PRKD1: variants seen among roughly 807,000 people sequenced by gnomAD.
PRKD1 encodes protein kinase D1.
Under a neutral mutation model 95.9 loss-of-function variants are expected in PRKD1, and 63 were observed. The ratio of observed to expected loss-of-function variants is 0.66; its 90% CI spans 0.54 to 0.81. The LOEUF (loss-of-function observed/expected upper bound fraction) is 0.81. Among genes scored for constraint, PRKD1 ranks in the 30% least tolerant of loss-of-function variants. The pLI, the probability that PRKD1 is intolerant of heterozygous loss-of-function variation, is 0.00. For synonymous variants in PRKD1, 425 were observed against 423.1 expected (o/e 1.00, Z -0.05); for missense variants, 1,048 against 1,165.3 (o/e 0.90, Z 1.47).
At chr14:29,672,767 G>T (rs997405383) in intron 2 of PRKD1, among the ~76,000 whole-genome samples, 1 of 151,940 alleles carries the variant, frequency 6.6e-6, no homozygotes, top group African/African-American at 2.4e-5. Flanking sequence ...ATATAGAACA[G>T]AATTACTAAC....
intron 11 of PRKD1, 80 bp from the exon 12 acceptor site, chr14:29,626,636 A>T: frequency 1.4e-6 from 1 of 721,522 alleles, no homozygotes; most frequent in Non-Finnish European, 2.0e-6. Flanking sequence ...ATTCTATTAA[A>T]TATATTATAA....
chr14:29,715,620 T>A (rs966053577), intron 2 of PRKD1, among the ~76,000 whole-genome samples: 1 of 152,182 alleles, frequency 6.6e-6, no homozygotes, highest in African/African-American at 2.4e-5. Context: ...AAGAAATTTG[T>A]GCTGTCCAAT....
At chr14:29,801,876 C>T (rs945829927) in intron 1 of PRKD1, among the ~76,000 whole-genome samples, 18 of 152,060 alleles carry the variant, frequency 1.2e-4, no homozygotes, top group African/African-American at 1.2e-4. Context: ...TTAGTAGAGA[C>T]GGGGTTTCTC....
intron 4 of PRKD1, among the ~76,000 whole-genome samples, chr14:29,645,644 T>C (rs902641584): frequency 6.6e-6 from 1 of 152,192 alleles, no homozygotes; most frequent in Non-Finnish European, 1.5e-5. Flanking sequence ...TCAATTCAGA[T>C]GCTTCAGGAC....
chr14:29,666,248 A>C, intron 2 of PRKD1, 40 bp from the exon 3 acceptor site: 1 of 1,549,394 alleles, frequency 6.5e-7, no homozygotes, highest in Non-Finnish European at 8.8e-7. Flanking sequence ...TTGAATAGGC[A>C]CTCTGATCTG....
At chr14:29,840,326 C>A (rs147370823) in intron 1 of PRKD1, among the ~76,000 whole-genome samples, 1 of 152,310 alleles carries the variant, frequency 6.6e-6, no homozygotes, top group African/African-American at 2.4e-5. Flanking sequence ...CAGTTCCCAA[C>A]AGCTTCCTCA....
chr14:29,581,620 G>C (rs1791597343), intron 16 of PRKD1, among the ~76,000 whole-genome samples: 1 of 152,092 alleles, frequency 6.6e-6, no homozygotes. Flanking sequence ...ACTTATCATT[G>C]TAAGTGGATA....
At chr14:29,758,648 A>T (rs1317878222) in intron 1 of PRKD1, among the ~76,000 whole-genome samples, 1 of 152,154 alleles carries the variant, frequency 6.6e-6, no homozygotes, top group Non-Finnish European at 1.5e-5. Context: ...CAAGAGAAAA[A>T]CTCCACAAAG....
At chr14:29,856,921 A>G (rs1892527744) in intron 1 of PRKD1, among the ~76,000 whole-genome samples, 1 of 152,192 alleles carries the variant, frequency 6.6e-6, no homozygotes, top group Admixed American at 6.5e-5. Context: ...CTAACAAGGG[A>G]ACAGTTCCTC....
chr14:29,905,482 GA>G (rs551740246), intron 1 of PRKD1, among the ~76,000 whole-genome samples: 45 of 145,440 alleles, frequency 3.1e-4, no homozygotes, highest in Middle Eastern at 7.2e-3. Flanking sequence ...TTGCCAGCAG[GA>G]AAAAAAAAAA....
intron 1 of PRKD1, among the ~76,000 whole-genome samples, chr14:29,891,791 T>G (rs1893947169): frequency 6.6e-6 from 1 of 152,208 alleles, no homozygotes; most frequent in African/African-American, 2.4e-5. Context: ...AAGTAGGTAC[T>G]TGAAACAAAT....
intron 13 of PRKD1, among the ~76,000 whole-genome samples, chr14:29,618,980 A>T (rs1879061839): frequency 6.6e-6 from 1 of 152,132 alleles, no homozygotes; most frequent in Non-Finnish European, 1.5e-5. Context: ...AATGAGGAGG[A>T]GGAAGGGGGA....
chr14:29,908,319 C>CA (rs1472015790), intron 1 of PRKD1, among the ~76,000 whole-genome samples: 2 of 151,892 alleles, frequency 1.3e-5, no homozygotes, highest in Non-Finnish European at 2.9e-5. Context: ...TTTCTTGAGT[C>CA]AGAGACTCAC....
chr14:29,749,806 C>T (rs756331442), intron 1 of PRKD1, among the ~76,000 whole-genome samples: 3 of 152,066 alleles, frequency 2.0e-5, no homozygotes, highest in Non-Finnish European at 4.4e-5. Flanking sequence ...AAACCCTATA[C>T]CTCCAAAATC....
intron 4 of PRKD1, among the ~76,000 whole-genome samples, chr14:29,639,111 A>T (rs1472357313): frequency 6.6e-6 from 1 of 152,134 alleles, no homozygotes; most frequent in Non-Finnish European, 1.5e-5. Flanking sequence ...TCTTAAAAAA[A>T]AAAGAGAATT....
intron 1 of PRKD1, among the ~76,000 whole-genome samples, chr14:29,782,659 T>G (rs1222244157): frequency 6.6e-6 from 1 of 152,102 alleles, no homozygotes; most frequent in Non-Finnish European, 1.5e-5. Flanking sequence ...ACCTCCCAAG[T>G]TGCCAGGACT....
At chr14:29,880,215 C>T (rs529131892) in intron 1 of PRKD1, among the ~76,000 whole-genome samples, 8 of 152,230 alleles carry the variant, frequency 5.3e-5, no homozygotes, top group South Asian at 2.1e-4. Flanking sequence ...ACAGTAGTTT[C>T]GAGGGCCAGG....
Position 29,624,262 on chromosome 14 carries a change from T to G in PRKD1, c.1799-4A>C. 1 of 1,588,854 alleles carries G rather than the reference T, an allele frequency of 6.3e-7. No individual in the cohort carries two copies. Among genetic ancestry groups the G allele is most frequent in the Non-Finnish European group, 8.6e-7 (1 of 1,166,976 alleles). On this transcript the variant is annotated splice_polypyrimidine_tract_variant and splice_region_variant and intron_variant, in intron 12 of 17. Transcript: ENST00000331968. ...CTTCCTGTTTTACGATGTTTTCCTT[T>G]AAAATGAAAAAGGGAAGCATTAGTA... is the stretch of plus-strand genomic sequence containing the variant.
In PRKD1 at chr14:29,887,755, T is replaced by C. The variant is rs117014359; in HGVS notation, c.264+39494A>G. ...ATTTACCATGTGTTACAATTGTCTA[T>C]AGTATTCAGTGCAGTAATGTGCTGT... is the stretch of plus-strand genomic sequence containing the variant. On this transcript the variant is annotated intron_variant, in intron 1 of 17. Coordinates refer to ENST00000331968, the MANE Select transcript of PRKD1 (RefSeq NM_002742.3). 3.8e-3 allele frequency among the ~76,000 whole-genome samples: 584 copies of C among 152,320 alleles called. 1 individual carries two copies. Among genetic ancestry groups the C allele is most frequent in the Admixed American group, 7.3e-3 (112 of 15,306 alleles).
Sources: gnomAD v4.1 joint callset for allele counts (sites outside exome capture counted in the v4.1 genomes callset) on GRCh38, gnomAD v4.1.1 for gene constraint, MANE v1.5 for transcripts, NCBI Gene and HGNC (gene_info 2026-07-23, HGNC 2026-07-21) for gene names.